Variants in ILDR2 observed in about 807,000 individuals in gnomAD.
ILDR2 encodes the protein immunoglobulin-like domain-containing receptor 2.
Under a neutral mutation model 66.8 loss-of-function variants are expected in ILDR2, and 25 were observed. The ratio of observed to expected loss-of-function variants is 0.37; its 90% CI spans 0.27 to 0.52. ILDR2 has a LOEUF of 0.52. Ranked by LOEUF, ILDR2 falls within the 20% of genes least tolerant of loss-of-function variation. ILDR2 has a pLI of 0.88. For missense variants in ILDR2, 827 were observed against 876.8 expected (o/e 0.94, Z 0.72); for synonymous variants, 367 against 357.2 (o/e 1.03, Z -0.31).
intron 4 of ILDR2, among the ~76,000 whole-genome samples, 168 bp downstream of exon 4, chr1:166,939,346 G>A (rs1425601581): frequency 6.6e-6 from 1 of 152,130 alleles, no homozygotes; most frequent in Non-Finnish European, 1.5e-5. Context: ...GTAACAGAAG[G>A]AATGCAATTT....
chr1:166,928,927 A>T (rs1049871539), intron 6 of ILDR2, among the ~76,000 whole-genome samples: 4 of 152,348 alleles, frequency 2.6e-5, no homozygotes, highest in Non-Finnish European at 4.4e-5. Flanking sequence ...ATTAGCAGAA[A>T]TAATTTTATT....
chr1:166,950,378 C>A (rs531479547), intron 3 of ILDR2, among the ~76,000 whole-genome samples: 1 of 152,074 alleles, frequency 6.6e-6, no homozygotes, highest in Non-Finnish European at 1.5e-5. Context: ...CCTTGGTTAG[C>A]GGCACCAGGC....
At chr1:166,948,149 A>G (rs1407244286) in intron 3 of ILDR2, among the ~76,000 whole-genome samples, 1 of 152,106 alleles carries the variant, frequency 6.6e-6, no homozygotes, top group African/African-American at 2.4e-5. Flanking sequence ...AGCAGGGTTC[A>G]GCAGGTGGAG....
chr1:166,922,071 T>C (rs537493899), intron 8 of ILDR2, among the ~76,000 whole-genome samples: 3 of 152,192 alleles, frequency 2.0e-5, no homozygotes, highest in Admixed American at 2.0e-4. Context: ...TTATGAGAAT[T>C]AAATGTAAGA....
At chr1:166,944,695 A>G (rs909932485) in intron 3 of ILDR2, among the ~76,000 whole-genome samples, 3 of 152,178 alleles carry the variant, frequency 2.0e-5, no homozygotes, top group African/African-American at 7.2e-5. Context: ...TGCTCAGATA[A>G]GCATTTCAGT....
At chr1:166,919,500 C>T in intron 9 of ILDR2, 110 bp from the exon 10 acceptor site, 1 of 932,884 alleles carries the variant, frequency 1.1e-6, no homozygotes, top group Non-Finnish European at 1.6e-6. Context: ...GTGCCAGGCA[C>T]CCCTGATTCT....
intron 3 of ILDR2, 70 bp from the exon 4 acceptor site, chr1:166,939,640 C>A: frequency 7.2e-7 from 1 of 1,383,200 alleles, no homozygotes; most frequent in Non-Finnish European, 1.0e-6. Flanking sequence ...TAAAGCCTGG[C>A]TCCAGTTGGT....
Position 166,939,582 on chromosome 1 carries a change from G to A in ILDR2, c.500-12C>T, listed in dbSNP as rs1661195609. On this transcript the variant is annotated splice_polypyrimidine_tract_variant and intron_variant, in intron 3 of 9. Coordinates refer to ENST00000271417, the MANE Select transcript of ILDR2 (RefSeq NM_199351.3). ...CAGCCCTGTCCTGCCTAGAAGAAGT[G>A]GAAGGAAAAGAAGAAGGAAAGTGGT... 1.2e-6 allele frequency: 2 copies of A among 1,612,914 alleles called. No homozygotes were observed. Among genetic ancestry groups the A allele is most frequent in the Non-Finnish European group, 1.7e-6 (2 of 1,179,052 alleles).
In ILDR2 at chr1:166,921,282, AG is replaced by A; in HGVS notation, c.1308del (p.Tyr437ThrfsTer52). 6.2e-7 allele frequency: 1 copy of A among 1,600,550 alleles called. No homozygotes were observed. Among genetic ancestry groups the A allele is most frequent in the Non-Finnish European group, 8.5e-7 (1 of 1,174,194 alleles). ...TCTGCCCGGCGGGGCCGCTGGCCGT[AG>A]GAGTCAGCGAAGGCCGCCAGCTCGT... ...SMDELAAFAD[S>X]YGQRPRRADG... On this transcript the variant is annotated frameshift_variant, in exon 9 of 10. Coordinates refer to ENST00000271417, the MANE Select transcript of ILDR2 (RefSeq NM_199351.3). LOFTEE classifies it high-confidence loss of function. This position sits in a 1 kb window ranked among gnomAD's most constrained non-coding sequence, Gnocchi z 5.3.
intron 4 of ILDR2, 132 bp downstream of exon 4, chr1:166,939,381 TA>T: frequency 2.7e-6 from 2 of 728,170 alleles, no homozygotes; most frequent in Non-Finnish European, 4.9e-6. Context: ...TGGGTTTAGT[TA>T]ATCCTGGAAA....
At chr1:166,972,149 T>C (rs1663335863) in intron 1 of ILDR2, among the ~76,000 whole-genome samples, 1 of 151,718 alleles carries the variant, frequency 6.6e-6, no homozygotes. Flanking sequence ...GAGGCAGAGG[T>C]TGCAGTGAGC....
chr1:166,966,969 T>C (rs144500449), intron 1 of ILDR2, among the ~76,000 whole-genome samples: 45 of 152,360 alleles, frequency 3.0e-4, no homozygotes, highest in African/African-American at 1.1e-3. Flanking sequence ...TATCAGGATG[T>C]TATGCAAGCA....
intron 4 of ILDR2, among the ~76,000 whole-genome samples, chr1:166,937,618 A>G (rs879294541): frequency 4.6e-5 from 7 of 152,210 alleles, no homozygotes; most frequent in Non-Finnish European, 7.3e-5. Flanking sequence ...TTGCCCATCC[A>G]AAAGATTAAG....
At position 166,909,782 on chromosome 1, in the gene ILDR2, TA is replaced by T. The variant is rs1557921392; in HGVS notation, c.*9572del. ...ATAAATATATATAAATATATATATT[TA>T]TATATATATATATATATATATATCC... On this transcript the variant is annotated 3_prime_UTR_variant, in exon 10 of 10. Coordinates refer to ENST00000271417, the MANE Select transcript of ILDR2 (RefSeq NM_199351.3). The T allele has an allele frequency of 1.4e-3, 25 of 17,874 alleles. No homozygotes were observed. Among genetic ancestry groups the T allele is most frequent in the African/African-American group, 5.1e-3 (13 of 2,570 alleles). The allele number at this position is 17,874 out of a possible 1,614,324, so 1.1% of individuals were successfully genotyped here. A position where few individuals can be genotyped will look rare whatever the true frequency, so the allele number is the denominator to read the frequency against.
rs558792238 is a variant in ILDR2 at position 166,959,932 on chromosome 1, A to T, written c.47-1831T>A. The stretch of plus-strand genomic sequence containing the variant: ...AAGTAGCTTGGGGCAGAGACATGCA[A>T]AAAAGGACTACTTTCCATGGAGTCC... On this transcript the variant is annotated intron_variant, in intron 1 of 9. Transcript: ENST00000271417. 8.5e-5 allele frequency among the ~76,000 whole-genome samples: 13 copies of T among 152,350 alleles called. No homozygotes were observed. The South Asian group carries it at 2.7e-3, about 32-fold the overall frequency.
chr1:166,930,854 T>C (rs1419767201), intron 6 of ILDR2, among the ~76,000 whole-genome samples: 1 of 152,196 alleles, frequency 6.6e-6, no homozygotes, highest in Non-Finnish European at 1.5e-5. Flanking sequence ...GTCAGATTGA[T>C]TTTTATCTGT....
chr1:166,951,975 T>C (rs1260623104), intron 3 of ILDR2, among the ~76,000 whole-genome samples: 1 of 152,186 alleles, frequency 6.6e-6, no homozygotes, highest in African/African-American at 2.4e-5. Context: ...TCACATTTCC[T>C]CCCAGGCCTT....
intron 9 of ILDR2, among the ~76,000 whole-genome samples, chr1:166,919,719 A>G (rs1358706951): frequency 1.3e-5 from 2 of 152,252 alleles, no homozygotes; most frequent in African/African-American, 2.4e-5. Context: ...TACTCATAGT[A>G]CTTTGGTTAT....
chr1:166,904,622 C>T (rs1389757411), downstream of ILDR2, among the ~76,000 whole-genome samples: 1 of 152,198 alleles, frequency 6.6e-6, no homozygotes, highest in Non-Finnish European at 1.5e-5. Flanking sequence ...AAGTCATTCC[C>T]CTCTTTGTGG....
Sources: gnomAD v4.1 joint callset for allele counts (sites outside exome capture counted in the v4.1 genomes callset) on GRCh38, gnomAD v4.1.1 for gene constraint, Gnocchi (gnomAD v3.1) non-coding constraint, MANE v1.5 for transcripts, NCBI Gene and HGNC (gene_info 2026-07-23, HGNC 2026-07-21) for gene names.